The following CRPPA variants were observed in gnomAD, a reference collection of about 807,000 sequenced individuals.
CRPPA encodes D-ribitol-5-phosphate cytidylyltransferase.
A neutral mutation model predicts 52.0 loss-of-function variants in CRPPA; 43 were observed. That is an observed-to-expected ratio of 0.83 (90% confidence interval 0.65 to 1.07). The LOEUF (loss-of-function observed/expected upper bound fraction) is 1.07, where lower values mean the gene tolerates loss of function less well. CRPPA is among the 50% of genes least tolerant of loss of function. The pLI is 0.00. For missense variants in CRPPA, 629 were observed against 551.7 expected (o/e 1.14, Z -1.40); for synonymous variants, 250 against 203.5 (o/e 1.23, Z -1.94).
At chr7:16,399,894 G>A (rs185784232) in intron 2 of CRPPA, among the ~76,000 whole-genome samples, 36 of 152,130 alleles carry the variant, frequency 2.4e-4, no homozygotes, top group African/African-American at 7.0e-4. Flanking sequence ...ACTCATGATC[G>A]TTATGTGATC....
chr7:16,291,762 A>G (rs1784569884), intron 5 of CRPPA, among the ~76,000 whole-genome samples: 1 of 151,850 alleles, frequency 6.6e-6, no homozygotes, highest in Non-Finnish European at 1.5e-5. Flanking sequence ...TAAAAAAAAA[A>G]TGTTTGAGAT....
chr7:16,146,752 T>C (rs1782981967), intron 9 of CRPPA, among the ~76,000 whole-genome samples: 1 of 151,428 alleles, frequency 6.6e-6, no homozygotes, highest in African/African-American at 2.4e-5. Context: ...AAAGATAAAA[T>C]GTATAATAGA....
At chr7:16,254,396 T>C (rs970691430) in intron 8 of CRPPA, among the ~76,000 whole-genome samples, 1 of 152,080 alleles carries the variant, frequency 6.6e-6, no homozygotes, top group African/African-American at 2.4e-5. Flanking sequence ...CACCATGGAA[T>C]ACTATGCAGC....
intron 9 of CRPPA, among the ~76,000 whole-genome samples, chr7:16,191,336 C>T (rs551485554): frequency 2.0e-4 from 30 of 152,006 alleles, no homozygotes; most frequent in Non-Finnish European, 3.2e-4. Flanking sequence ...TTGAAAAATG[C>T]GTAATTATGA....
At chr7:16,212,628 T>C (rs906624508) in intron 9 of CRPPA, among the ~76,000 whole-genome samples, 1 of 152,174 alleles carries the variant, frequency 6.6e-6, no homozygotes, top group Non-Finnish European at 1.5e-5. Context: ...CAGGCTCAGT[T>C]CCAGAATGTC....
intron 9 of CRPPA, among the ~76,000 whole-genome samples, chr7:16,167,478 T>G (rs1249873898): frequency 6.6e-6 from 1 of 152,220 alleles, no homozygotes; most frequent in Non-Finnish European, 1.5e-5. Flanking sequence ...GCCCCAGGTT[T>G]TCCGAGATGG....
chr7:16,282,141 T>G (rs750231759), intron 5 of CRPPA, among the ~76,000 whole-genome samples: 1 of 152,058 alleles, frequency 6.6e-6, no homozygotes, highest in Non-Finnish European at 1.5e-5. Context: ...AGTTGCTGAC[T>G]CTCTTCCTTT....
chr7:16,141,840 A>G (rs1281864940), intron 9 of CRPPA, among the ~76,000 whole-genome samples: 1 of 152,178 alleles, frequency 6.6e-6, no homozygotes, highest in Admixed American at 6.5e-5. Flanking sequence ...CTGGGTGTCA[A>G]GCGCTCCTGT....
intron 9 of CRPPA, among the ~76,000 whole-genome samples, chr7:16,192,335 A>T (rs990372125): frequency 6.6e-6 from 1 of 152,068 alleles, no homozygotes; most frequent in Non-Finnish European, 1.5e-5. Context: ...GAGGCAGCCT[A>T]AGTTGTAAAA....
intron 6 of CRPPA, among the ~76,000 whole-genome samples, chr7:16,276,029 T>C (rs951470271): frequency 6.6e-6 from 1 of 151,714 alleles, no homozygotes; most frequent in African/African-American, 2.4e-5. Context: ...TGGAATAACT[T>C]AGAAACAAGG....
At chr7:16,107,408 G>A (rs1196471677) in intron 9 of CRPPA, among the ~76,000 whole-genome samples, 1 of 152,028 alleles carries the variant, frequency 6.6e-6, no homozygotes, top group East Asian at 1.9e-4. Context: ...ATGACAATGT[G>A]ACTATAAGCA....
chr7:16,248,523 T>C (rs1169587194), intron 8 of CRPPA, among the ~76,000 whole-genome samples: 3 of 152,198 alleles, frequency 2.0e-5, no homozygotes, highest in Non-Finnish European at 4.4e-5. Context: ...GTGATATATC[T>C]GATAGGCTAA....
At chr7:16,307,808 T>C (rs1023025981) in intron 4 of CRPPA, among the ~76,000 whole-genome samples, 2 of 151,296 alleles carry the variant, frequency 1.3e-5, no homozygotes, top group Non-Finnish European at 2.9e-5. Context: ...GGGTTGGAAC[T>C]GTTGCAGATA....
At chr7:16,244,688 T>G (rs1783219691) in intron 8 of CRPPA, among the ~76,000 whole-genome samples, 1 of 152,180 alleles carries the variant, frequency 6.6e-6, no homozygotes, top group Non-Finnish European at 1.5e-5. Flanking sequence ...ATGACAACCT[T>G]AACTAGTCTC....
intron 9 of CRPPA, among the ~76,000 whole-genome samples, chr7:16,129,526 G>C (rs1782643729): frequency 6.6e-6 from 1 of 152,062 alleles, no homozygotes; most frequent in African/African-American, 2.4e-5. Context: ...TTATGTGTTA[G>C]TGATTCTCTT....
chr7:16,387,943 A>C (rs2128314213), intron 2 of CRPPA, among the ~76,000 whole-genome samples: 1 of 152,358 alleles, frequency 6.6e-6, no homozygotes, highest in South Asian at 2.1e-4. Context: ...CTCTTAGAAT[A>C]GAATAAAATT....
rs911975978 is a variant in CRPPA, at chr7:16,130,565, G to A, written c.1252-38766C>T. On this transcript the variant is annotated intron_variant, in intron 9 of 9. Coordinates refer to ENST00000407010, the MANE Select transcript of CRPPA (RefSeq NM_001101426.4). ...GGGCAAGAGTCAACTCTGTAACACT[G>A]ACTCCACCCCTCCTTCTGTCAAATT... 4.6e-5 allele frequency among the ~76,000 whole-genome samples: 7 copies of A among 152,244 alleles called. No homozygotes were observed. In the East Asian group the frequency reaches 1.4e-3, roughly 29 times the overall value.
At chr7:16,387,414 T>C (rs1190291007) in intron 2 of CRPPA, among the ~76,000 whole-genome samples, 5 of 151,920 alleles carry the variant, frequency 3.3e-5, no homozygotes, top group African/African-American at 1.2e-4. Context: ...CTCAAAAAAT[T>C]AGAAAATATA....
At chr7:16,333,396 A>C (rs1785603515) in intron 3 of CRPPA, among the ~76,000 whole-genome samples, 1 of 152,222 alleles carries the variant, frequency 6.6e-6, no homozygotes, top group Non-Finnish European at 1.5e-5. Flanking sequence ...ACAAGTTTAA[A>C]AGAACATCTC....
Sources: allele counts gnomAD v4.1 joint callset (sites outside exome capture counted in the v4.1 genomes callset), GRCh38; gene constraint gnomAD v4.1.1; transcripts MANE v1.5; gene names NCBI Gene and HGNC (gene_info 2026-07-23, HGNC 2026-07-21).